The following PCSK5 variants were observed in gnomAD, a reference collection of about 807,000 sequenced individuals.
PCSK5 encodes proprotein convertase subtilisin/kexin type 5, also known as prohormone convertase 5.
A neutral mutation model predicts 233.2 loss-of-function variants in PCSK5; 129 were observed. That is an observed-to-expected ratio of 0.55 (90% CI 0.48 to 0.64). The LOEUF (loss-of-function observed/expected upper bound fraction) is 0.64, where lower values mean the gene tolerates loss of function less well. Ranked by LOEUF, PCSK5 falls within the 30% of genes least tolerant of loss-of-function variation. The pLI is 0.00. For missense variants in PCSK5, 2,076 were observed against 2,430.1 expected (o/e 0.85, Z 3.06); for synonymous variants, 825 against 879.2 (o/e 0.94, Z 1.09).
chr9:76,093,294 C>T (rs1355108772), intron 7 of PCSK5, among the ~76,000 whole-genome samples: 3 of 151,706 alleles, frequency 2.0e-5, no homozygotes, highest in African/African-American at 7.3e-5. Context: ...GTGGTCTCAC[C>T]CTATTGCCCA....
At chr9:75,921,892 A>T (rs1008914940) in intron 1 of PCSK5, among the ~76,000 whole-genome samples, 2 of 152,236 alleles carry the variant, frequency 1.3e-5, no homozygotes, top group African/African-American at 4.8e-5. Flanking sequence ...TTGAATGTTG[A>T]ACCCAGTCCT....
rs1225391601 is a variant in PCSK5, at chr9:76,350,868, C to A, written c.5007C>A (p.Tyr1669Ter). 1.2e-6 allele frequency: 2 copies of A among 1,609,662 alleles called. No individual in the cohort carries two copies. Among genetic ancestry groups the A allele is most frequent in the Non-Finnish European group, 8.5e-7 (1 of 1,177,434 alleles). ...ATTGTTTATCCTGTGTGTGGAGTTA[C>A]CACCTCATGGGAGGGATCTGCACCT... ...ALNCLSCVWS[Y>*]HLMGGICTSD... Residue 1669 changes from tyrosine to a stop codon, truncating the protein, a stop_gained, in exon 36 of 38, where the codon TAC (tyrosine) becomes TAA (stop). Coordinates refer to ENST00000674117, the MANE Select transcript of PCSK5 (RefSeq NM_001372043.1). LOFTEE classifies it high-confidence loss of function.
intron 32 of PCSK5, among the ~76,000 whole-genome samples, chr9:76,326,552 G>A (rs555026206): frequency 6.6e-6 from 1 of 152,302 alleles, no homozygotes; most frequent in Non-Finnish European, 1.5e-5. Flanking sequence ...CAGTTGCTAA[G>A]GTCCTGGGCT....
At chr9:76,119,861 G>C (rs1038154561) in intron 9 of PCSK5, among the ~76,000 whole-genome samples, 1 of 151,878 alleles carries the variant, frequency 6.6e-6, no homozygotes, top group Non-Finnish European at 1.5e-5. Context: ...TCACCCTGCT[G>C]TGCCATCATT....
chr9:76,159,192 C>G, intron 12 of PCSK5, 21 bp downstream of exon 12: 2 of 1,610,148 alleles, frequency 1.2e-6, no homozygotes, highest in Non-Finnish European at 1.7e-6. Context: ...GGTCTCTGCC[C>G]ACCAGTGTAG....
intron 3 of PCSK5, among the ~76,000 whole-genome samples, chr9:76,012,436 G>A (rs1827769273): frequency 1.3e-5 from 2 of 152,176 alleles, no homozygotes; most frequent in South Asian, 4.1e-4. Flanking sequence ...GGCCCCAAGT[G>A]AAAACCACAC....
At chr9:76,333,804 T>A (rs1303835286) in intron 34 of PCSK5, among the ~76,000 whole-genome samples, 1 of 152,232 alleles carries the variant, frequency 6.6e-6, no homozygotes, top group Non-Finnish European at 1.5e-5. Flanking sequence ...GCTTGTTTCA[T>A]TCATTTTAGT....
At chr9:76,144,921 T>G (rs1823383176) in intron 10 of PCSK5, among the ~76,000 whole-genome samples, 1 of 151,974 alleles carries the variant, frequency 6.6e-6, no homozygotes, top group African/African-American at 2.4e-5. Context: ...AGGTCAGAAG[T>G]TCAAGACCAG....
At chr9:76,058,671 A>G (rs1829913353) in intron 5 of PCSK5, among the ~76,000 whole-genome samples, 1 of 152,180 alleles carries the variant, frequency 6.6e-6, no homozygotes, top group Admixed American at 6.5e-5. Context: ...CATCAGCTAC[A>G]TGGGGAAAAA....
chr9:76,144,182 A>G (rs1823343382), intron 10 of PCSK5, among the ~76,000 whole-genome samples: 1 of 152,156 alleles, frequency 6.6e-6, no homozygotes, highest in African/African-American at 2.4e-5. Flanking sequence ...AGTAGTCTTA[A>G]GAAGCTGTAT....
intron 1 of PCSK5, among the ~76,000 whole-genome samples, chr9:75,891,960 G>T (rs1309885544): frequency 6.6e-6 from 1 of 152,152 alleles, no homozygotes; most frequent in Non-Finnish European, 1.5e-5. Flanking sequence ...GCCGGCCCCG[G>T]TGTGAGTGCA....
chr9:76,345,933 T>C (rs891524523), intron 35 of PCSK5, among the ~76,000 whole-genome samples: 2 of 151,906 alleles, frequency 1.3e-5, no homozygotes, highest in African/African-American at 4.8e-5. Context: ...TTGGCCAGGC[T>C]GGTCTCAAAT....
chr9:76,184,814 A>G (rs1276048239), intron 17 of PCSK5, 57 bp downstream of exon 17: 1 of 1,041,668 alleles, frequency 9.6e-7, no homozygotes, highest in Non-Finnish European at 1.4e-6. Flanking sequence ...CTCAATGTAA[A>G]TAAAATGAAA....
At chr9:76,003,738 T>A (rs1827356619) in intron 3 of PCSK5, among the ~76,000 whole-genome samples, 1 of 152,250 alleles carries the variant, frequency 6.6e-6, no homozygotes, top group African/African-American at 2.4e-5. Context: ...AATGATTTTT[T>A]TTATAGATCT....
At chr9:76,353,261 C>T (rs939377566) in intron 36 of PCSK5, among the ~76,000 whole-genome samples, 1 of 152,136 alleles carries the variant, frequency 6.6e-6, no homozygotes, top group Non-Finnish European at 1.5e-5. Context: ...CCCACATTTC[C>T]AGCACCAGTC....
Position 76,296,781 on chromosome 9 carries a change from A to C in PCSK5, c.3439A>C (p.Ser1147Arg), listed in dbSNP as rs772422487. 22 of 1,612,056 alleles carry C rather than the reference A, an allele frequency of 1.4e-5. 1 individual carries two copies. In the South Asian group the frequency reaches 2.3e-4, roughly 17 times the overall value. Reference sequence around the variant, plus strand: ...CACAGGCCCTGGTCATGACGAGTGCAGCAGCTGCCAGGAAGGACTGCAGCT... The same window carrying C: ...CACAGGCCCTGGTCATGACGAGTGCCGCAGCTGCCAGGAAGGACTGCAGCT... ...TCTGPGHDEC[S>R]SCQEGLQLLR... The change falls in exon 27 of 38, where the codon AGC becomes CGC. Residue 1147 changes from serine to arginine, a missense_variant. Ser to Arg is a moderately radical substitution (Grantham distance 110). Transcript: ENST00000674117.
chr9:76,093,343 C>T (rs1039923437), intron 7 of PCSK5, among the ~76,000 whole-genome samples: 1 of 152,018 alleles, frequency 6.6e-6, no homozygotes. Context: ...GATCCTCCTG[C>T]CTTGGCCTCC....
At chr9:76,111,959 A>G (rs1401379929) in intron 9 of PCSK5, among the ~76,000 whole-genome samples, 1 of 152,216 alleles carries the variant, frequency 6.6e-6, no homozygotes, top group Non-Finnish European at 1.5e-5. Context: ...AATAACTAAC[A>G]TTCATGAAAG....
intron 1 of PCSK5, among the ~76,000 whole-genome samples, chr9:75,907,617 G>A (rs142800227): frequency 8.5e-5 from 13 of 152,212 alleles, no homozygotes; most frequent in African/African-American, 3.1e-4. Flanking sequence ...CACGCACTCC[G>A]AGAGGCAAGT....
Sources: gnomAD v4.1 joint callset for allele counts (sites outside exome capture counted in the v4.1 genomes callset) on GRCh38, gnomAD v4.1.1 for gene constraint, MANE v1.5 for transcripts, NCBI Gene and HGNC (gene_info 2026-07-23, HGNC 2026-07-21) for gene names.